The following ZC3H18 variants were observed in gnomAD, a reference collection of about 807,000 sequenced individuals.
ZC3H18 encodes zinc finger CCCH domain-containing protein 18.
A neutral mutation model predicts 106.1 loss-of-function variants in ZC3H18; 8 were observed. That is an observed-to-expected ratio of 0.08 (90% CI 0.04 to 0.14). The LOEUF is 0.14. Among genes scored for constraint, ZC3H18 ranks in the 10% least tolerant of loss-of-function variants. The probability of loss-of-function intolerance (pLI) is 1.00; values close to 1 mark genes in which losing one functional copy is unlikely to be tolerated. For synonymous variants in ZC3H18, 635 were observed against 522.1 expected (o/e 1.22, Z -2.95); for missense variants, 1,318 against 1,278.4 (o/e 1.03, Z -0.47).
intron 3 of ZC3H18, chr16:88,587,592 C>T (rs1321354178): frequency 6.5e-7 from 1 of 1,536,038 alleles, no homozygotes; most frequent in Admixed American, 2.0e-5. Flanking sequence ...CAATTCCATA[C>T]CATTCAGAGG....
intron 8 of ZC3H18, among the ~76,000 whole-genome samples, chr16:88,612,041 G>A (rs1905301713): frequency 6.6e-6 from 1 of 152,170 alleles, no homozygotes; most frequent in South Asian, 2.1e-4. Context: ...GCGGGCTGCT[G>A]TTTTTCCTTT....
rs752059897 is a variant in ZC3H18, at chr16:88,630,570, C to T, written c.2652C>T (p.Ala884=). The change falls in exon 17 of 18, where the codon GCC becomes GCT. Residue 884 remains alanine, a synonymous_variant. Coordinates refer to ENST00000301011, the MANE Select transcript of ZC3H18 (RefSeq NM_144604.4). ...GCCAGAACTCCAAAGCCCCTGCAGC[C>T]CCGGCTGACAGGTGAGTCCCACCCA... ...QRGQNSKAPA[A]PADRKRQLSP... The T allele has an allele frequency of 6.2e-7, 1 of 1,606,372 alleles. No individual in the cohort carries two copies. Among genetic ancestry groups the T allele is most frequent in the East Asian group, 2.2e-5 (1 of 44,720 alleles).
chr16:88,629,434 C>G (rs1259354238), intron 16 of ZC3H18, among the ~76,000 whole-genome samples: 1 of 152,236 alleles, frequency 6.6e-6, no homozygotes, highest in Non-Finnish European at 1.5e-5. Flanking sequence ...TGAGATTGCA[C>G]CATTGCACTG....
chr16:88,609,069 A>G lies in ZC3H18; in HGVS notation c.1206+18A>G. Reference sequence around the variant, plus strand: ...ATTACCGAGTAAGTATGACTTCAATATCCACATATGAACTTCATGATCTGT... The same window carrying G: ...ATTACCGAGTAAGTATGACTTCAATGTCCACATATGAACTTCATGATCTGT... On this transcript the variant is annotated intron_variant, in intron 7 of 17. Coordinates refer to ENST00000301011, the MANE Select transcript of ZC3H18 (RefSeq NM_144604.4). 1.3e-6 allele frequency: 2 copies of G among 1,572,122 alleles called. No homozygotes were observed. The highest frequency in any genetic ancestry group is 1.7e-6 in the Non-Finnish European group (2 of 1,143,244).
At chr16:88,598,496 C>G in intron 4 of ZC3H18, 124 bp from the exon 5 acceptor site, 1 of 1,449,302 alleles carries the variant, frequency 6.9e-7, no homozygotes, top group Non-Finnish European at 9.4e-7. Context: ...CGGAGTGAGG[C>G]TTGGTGGAAG....
At chr16:88,578,977 C>A (rs972464956) in intron 2 of ZC3H18, among the ~76,000 whole-genome samples, 2 of 152,200 alleles carry the variant, frequency 1.3e-5, no homozygotes, top group African/African-American at 4.8e-5. Context: ...CGTGAGGCAC[C>A]ACGCCCGGCG....
chr16:88,615,403 C>T (rs913756383), intron 8 of ZC3H18, among the ~76,000 whole-genome samples: 3 of 152,218 alleles, frequency 2.0e-5, no homozygotes, highest in Admixed American at 6.5e-5. Context: ...GGGGCACCAC[C>T]GTCTGCCCTG....
chr16:88,601,197 T>C (rs945951984), intron 6 of ZC3H18, among the ~76,000 whole-genome samples: 7 of 152,346 alleles, frequency 4.6e-5, no homozygotes, highest in Admixed American at 4.6e-4. Flanking sequence ...TTTAAAGACT[T>C]GGTTAACATG....
chr16:88,596,236 A>G (rs1237986665), intron 3 of ZC3H18, among the ~76,000 whole-genome samples: 2 of 152,188 alleles, frequency 1.3e-5, no homozygotes, highest in Non-Finnish European at 2.9e-5. Context: ...AATATCAGTG[A>G]GAAAGGATCT....
chr16:88,587,314 G>A (rs1045097526), intron 3 of ZC3H18, among the ~76,000 whole-genome samples: 2 of 152,248 alleles, frequency 1.3e-5, no homozygotes, highest in Non-Finnish European at 2.9e-5. Context: ...GCTGCTTAAT[G>A]TCTTGGGGGA....
At chr16:88,581,534 T>C (rs538641230) in intron 2 of ZC3H18, among the ~76,000 whole-genome samples, 52 of 152,334 alleles carry the variant, frequency 3.4e-4, no homozygotes, top group Non-Finnish European at 4.0e-4. Flanking sequence ...GCCGCTGGCC[T>C]GCGTGGTGGG....
intron 6 of ZC3H18, 108 bp from the exon 7 acceptor site, chr16:88,608,826 A>T (rs1905136398): frequency 3.4e-6 from 3 of 888,944 alleles, no homozygotes; most frequent in Admixed American, 2.3e-5. Flanking sequence ...TCCTGGAGTA[A>T]ACCCCACTGC....
At chr16:88,613,949 G>A (rs1053655744) in intron 8 of ZC3H18, among the ~76,000 whole-genome samples, 3 of 152,150 alleles carry the variant, frequency 2.0e-5, no homozygotes, top group Non-Finnish European at 2.9e-5. Flanking sequence ...GGGGGGTGTC[G>A]ATGAGAGCAT....
At chr16:88,585,329 G>C (rs1364718876) in intron 2 of ZC3H18, among the ~76,000 whole-genome samples, 2 of 152,202 alleles carry the variant, frequency 1.3e-5, no homozygotes, top group Non-Finnish European at 2.9e-5. Flanking sequence ...GTAAATCCAG[G>C]GTTTGGTTTC....
At position 88,577,113 on chromosome 16, in the gene ZC3H18, C is replaced by T. The variant is rs760175185; in HGVS notation, c.-11C>T. The T allele has an allele frequency of 5.3e-5, 80 of 1,521,966 alleles. No homozygotes were observed. Among genetic ancestry groups the T allele is most frequent in the South Asian group, 9.1e-5 (7 of 76,856 alleles). The allele number at this position is 1,521,966 out of a possible 1,614,324, so 94.3% of individuals were successfully genotyped here. On this transcript the variant is annotated 5_prime_UTR_variant, in exon 2 of 18. Coordinates refer to ENST00000301011, the MANE Select transcript of ZC3H18 (RefSeq NM_144604.4). ...ATCTGTATTCTCTCTTTTGCAGAAC[C>T]GTGGGTACCGATGGATGTGGCCGAG...
intron 3 of ZC3H18, among the ~76,000 whole-genome samples, chr16:88,591,293 A>G (rs1273893319): frequency 6.7e-6 from 1 of 150,178 alleles, no homozygotes; most frequent in Admixed American, 6.6e-5. Context: ...AGACTGAATA[A>G]TAGGTGCGGT....
chr16:88,600,521 C>T (rs1597339204), intron 6 of ZC3H18, among the ~76,000 whole-genome samples: 1 of 152,210 alleles, frequency 6.6e-6, no homozygotes, highest in Non-Finnish European at 1.5e-5. Flanking sequence ...TGAAGTGATT[C>T]TCCTGCTTCA....
intron 11 of ZC3H18, 196 bp from the exon 12 acceptor site, chr16:88,624,406 C>A: frequency 1.2e-6 from 1 of 860,632 alleles, no homozygotes; most frequent in Non-Finnish European, 1.8e-6. Flanking sequence ...CCTGGAAGGG[C>A]TGCTGGGGGC....
At chr16:88,616,483 C>A (rs1040293163) in intron 8 of ZC3H18, among the ~76,000 whole-genome samples, 5 of 152,166 alleles carry the variant, frequency 3.3e-5, no homozygotes, top group Admixed American at 2.0e-4. Context: ...CTGGGGAGTC[C>A]CCGGTCTTGG....
Sources: gnomAD v4.1 joint callset for allele counts (sites outside exome capture counted in the v4.1 genomes callset) on GRCh38, gnomAD v4.1.1 for gene constraint, MANE v1.5 for transcripts, NCBI Gene and HGNC (gene_info 2026-07-23, HGNC 2026-07-21) for gene names.